PDZD2: variants seen among roughly 807,000 people sequenced by gnomAD.
The protein encoded by PDZD2 is PDZ domain containing 2, also known as PDZ domain-containing protein 2.
In PDZD2, 90 loss-of-function variants were observed where a neutral mutation model predicts 220.7. The observed-to-expected ratio is 0.41, with a 90% CI of 0.34 to 0.49. PDZD2 has a LOEUF of 0.49. Ranked by LOEUF, PDZD2 falls within the 20% of genes least tolerant of loss-of-function variation. The pLI, the probability that PDZD2 is intolerant of heterozygous loss-of-function variation, is 0.28. For synonymous variants in PDZD2, 1,375 were observed against 1,450.5 expected, an observed-to-expected ratio of 0.95 and a Z score of 1.18; for missense variants, 3,174 against 3,608.5, an observed-to-expected ratio of 0.88 and a Z score of 3.08.
intron 3 of PDZD2, among the ~76,000 whole-genome samples, chr5:31,993,010 C>G (rs1034118661): frequency 6.6e-6 from 1 of 152,168 alleles, no homozygotes; most frequent in Admixed American, 6.5e-5. Context: ...CAATGGTATC[C>G]ACTAGGCCAT....
Position 32,088,625 on chromosome 5 carries a change from G to A in PDZD2, c.5177G>A (p.Ser1726Asn). 6.2e-7 allele frequency: 1 copy of A among 1,614,102 alleles called. No individual in the cohort carries two copies. The highest frequency in any genetic ancestry group is 1.3e-5 in the African/African-American group (1 of 75,036). The change falls in exon 20 of 25, where the codon AGC (serine) becomes AAC (asparagine). Residue 1726 changes from serine to asparagine, a missense_variant. Coordinates refer to ENST00000438447, the MANE Select transcript of PDZD2 (RefSeq NM_178140.4). The surrounding 1 kb of genome is among the most constrained non-coding windows in gnomAD (Gnocchi z 4.6). ...RHFHSPPIIL[S>N]SPNMVNGLEH... ...TTTCACAGTCCGCCCATCATTCTCA[G>A]CTCCCCCAACATGGTAAATGGCTTG...
At chr5:31,702,341 G>A (rs1389846404) in intron 1 of PDZD2, among the ~76,000 whole-genome samples, 1 of 152,200 alleles carries the variant, frequency 6.6e-6, no homozygotes, top group African/African-American at 2.4e-5. Flanking sequence ...TAGCTGTTAA[G>A]CGGTGAAAGA....
chr5:31,667,246 A>AG (rs1421448398), intron 1 of PDZD2, among the ~76,000 whole-genome samples: 4 of 149,954 alleles, frequency 2.7e-5, no homozygotes, highest in African/African-American at 9.8e-5. Context: ...AAAAAAAAAA[A>AG]AAAAAAAAAA....
intron 2 of PDZD2, among the ~76,000 whole-genome samples, chr5:31,911,700 G>A (rs1311570199): frequency 2.0e-5 from 3 of 152,208 alleles, no homozygotes; most frequent in Non-Finnish European, 4.4e-5. Flanking sequence ...TGGATGTGAT[G>A]GAGCCAGGAA....
intron 1 of PDZD2, among the ~76,000 whole-genome samples, chr5:31,665,613 C>T (rs1355188576): frequency 6.7e-6 from 1 of 148,942 alleles, no homozygotes; most frequent in Non-Finnish European, 1.5e-5. Flanking sequence ...TCATGAGATC[C>T]GATGGTTTAA....
At chr5:31,744,609 A>G (rs779034324) in intron 1 of PDZD2, among the ~76,000 whole-genome samples, 1 of 151,980 alleles carries the variant, frequency 6.6e-6, no homozygotes, top group Non-Finnish European at 1.5e-5. Flanking sequence ...TTTCCCCTTC[A>G]TGGTTGAACA....
chr5:31,974,257 A>G (rs1749555321), intron 2 of PDZD2, among the ~76,000 whole-genome samples: 1 of 152,212 alleles, frequency 6.6e-6, no homozygotes, highest in Non-Finnish European at 1.5e-5. Flanking sequence ...CTGGGATTAC[A>G]GGCTTGAGCC....
intron 7 of PDZD2, among the ~76,000 whole-genome samples, chr5:32,044,056 T>C (rs1262710906): frequency 6.6e-6 from 1 of 152,048 alleles, no homozygotes; most frequent in African/African-American, 2.4e-5. Flanking sequence ...AGGCTGGGCT[T>C]GGTGGCTCAT....
intron 2 of PDZD2, among the ~76,000 whole-genome samples, chr5:31,937,041 G>T (rs1486508933): frequency 1.3e-5 from 2 of 152,206 alleles, no homozygotes; most frequent in Non-Finnish European, 2.9e-5. Flanking sequence ...GAGGACCATG[G>T]GTGGCAGCCA....
At chr5:31,682,333 C>T (rs904325369) in intron 1 of PDZD2, among the ~76,000 whole-genome samples, 4 of 152,182 alleles carry the variant, frequency 2.6e-5, no homozygotes, top group Admixed American at 6.5e-5. Flanking sequence ...CTTTCAAGTC[C>T]GTGGTTAGGG....
At chr5:32,006,670 A>G (rs1375319372) in intron 5 of PDZD2, among the ~76,000 whole-genome samples, 1 of 147,944 alleles carries the variant, frequency 6.8e-6, no homozygotes, top group African/African-American at 2.5e-5. Flanking sequence ...AACCACTGCC[A>G]GGCTCAACAC....
chr5:31,823,059 A>AATAACTGTGC, intron 2 of PDZD2: 1 of 1,080,192 alleles, frequency 9.3e-7, no homozygotes, highest in Non-Finnish European at 1.3e-6. Flanking sequence ...GGCCCTTCAC[A>AATAACTGTGC]ATAACTGTGC....
At chr5:31,794,652 C>T (rs748235322) in intron 1 of PDZD2, among the ~76,000 whole-genome samples, 4 of 152,076 alleles carry the variant, frequency 2.6e-5, no homozygotes, top group Non-Finnish European at 5.9e-5. Flanking sequence ...GGTGATCTGC[C>T]CGCCTGGGCC....
At chr5:32,011,416 T>C (rs576157208) in intron 6 of PDZD2, among the ~76,000 whole-genome samples, 43 of 152,200 alleles carry the variant, frequency 2.8e-4, no homozygotes, top group African/African-American at 9.9e-4. Flanking sequence ...GGAGGATCAC[T>C]TGAGCCTGAG....
At chr5:31,698,020 A>G (rs1723820484) in intron 1 of PDZD2, among the ~76,000 whole-genome samples, 2 of 151,300 alleles carry the variant, frequency 1.3e-5, no homozygotes, top group Non-Finnish European at 2.9e-5. Flanking sequence ...CTTCTGCCTC[A>G]GCCTCCCAAG....
intron 2 of PDZD2, among the ~76,000 whole-genome samples, chr5:31,835,476 G>C (rs952963418): frequency 6.6e-6 from 1 of 152,018 alleles, no homozygotes; most frequent in African/African-American, 2.4e-5. Context: ...AATTAGCCAG[G>C]CGTGGTGGCG....
intron 6 of PDZD2, among the ~76,000 whole-genome samples, chr5:32,027,868 C>T (rs79413440): frequency 0.027 from 4,064 of 152,188 alleles, 90 homozygotes; most frequent in Non-Finnish European, 0.044. Context: ...AAACATCTGC[C>T]CCAGAGACTT....
At chr5:31,788,367 G>A (rs978776304) in intron 1 of PDZD2, among the ~76,000 whole-genome samples, 9 of 140,392 alleles carry the variant, frequency 6.4e-5, no homozygotes, top group South Asian at 2.3e-4. Flanking sequence ...GTAAAACTTC[G>A]TCTCAAAAAT....
Position 31,968,367 on chromosome 5 carries a change from A to C in PDZD2, c.477-14788A>C, listed in dbSNP as rs570871392. 1.2e-3 allele frequency among the ~76,000 whole-genome samples: 181 copies of C among 152,160 alleles called. 2 individuals carry two copies. The highest frequency in any genetic ancestry group is 4.3e-3 in the African/African-American group (179 of 41,522). On this transcript the variant is annotated intron_variant, in intron 2 of 24. Coordinates refer to ENST00000438447, the MANE Select transcript of PDZD2 (RefSeq NM_178140.4). ...AGTGAGACTGTGTCTCAAAAACAAA[A>C]AACAAGCTGGGCACGGTGGCTCACG...
Sources: gnomAD v4.1 joint callset for allele counts (sites outside exome capture counted in the v4.1 genomes callset) on GRCh38, gnomAD v4.1.1 for gene constraint, Gnocchi (gnomAD v3.1) non-coding constraint, MANE v1.5 for transcripts, NCBI Gene and HGNC (gene_info 2026-07-23, HGNC 2026-07-21) for gene names.